Variants in DPYD observed in about 807,000 individuals in gnomAD.
DPYD encodes dihydropyrimidine dehydrogenase.
In DPYD, 109 loss-of-function variants were observed where a neutral mutation model predicts 116.2. That is an observed-to-expected ratio of 0.94 (90% CI 0.80 to 1.10). The LOEUF (loss-of-function observed/expected upper bound fraction) is 1.10, where lower values mean the gene tolerates loss of function less well. Among genes scored for constraint, DPYD ranks in the 50% least tolerant of loss-of-function variants. The pLI is 0.00. For missense variants in DPYD, 1,302 were observed against 1,254.5 expected, an observed-to-expected ratio of 1.04 and a Z score of -0.57; for synonymous variants, 440 against 432.0, an observed-to-expected ratio of 1.02 and a Z score of -0.23.
At chr1:97,612,580 T>C (rs1275023281) in intron 8 of DPYD, among the ~76,000 whole-genome samples, 1 of 152,020 alleles carries the variant, frequency 6.6e-6, no homozygotes, top group Non-Finnish European at 1.5e-5. Flanking sequence ...AATATGCACC[T>C]CACTGAAAAT....
At chr1:97,311,340 C>T (rs991201704) in intron 16 of DPYD, among the ~76,000 whole-genome samples, 1 of 151,686 alleles carries the variant, frequency 6.6e-6, no homozygotes, top group Non-Finnish European at 1.5e-5. Context: ...CTTTAACATA[C>T]TTCGTTCAAC....
chr1:97,230,348 C>G (rs1463994351), intron 19 of DPYD, among the ~76,000 whole-genome samples: 2 of 152,136 alleles, frequency 1.3e-5, no homozygotes, highest in East Asian at 3.9e-4. Context: ...CTGGAGGGAG[C>G]TGGAGGCCAT....
At chr1:97,896,036 A>T (rs1673046707) in intron 1 of DPYD, among the ~76,000 whole-genome samples, 1 of 151,728 alleles carries the variant, frequency 6.6e-6, no homozygotes, top group Non-Finnish European at 1.5e-5. Flanking sequence ...ATACTATTTG[A>T]CCTAATCTAG....
At chr1:97,698,227 C>T (rs1402812166) in intron 6 of DPYD, among the ~76,000 whole-genome samples, 1 of 151,548 alleles carries the variant, frequency 6.6e-6, no homozygotes, top group Non-Finnish European at 1.5e-5. Flanking sequence ...AAGGGTCTTC[C>T]TAAAATGTGA....
Position 97,826,101 on chromosome 1 carries a change from C to T in DPYD, c.233+2013G>A, listed in dbSNP as rs548778930. 1.7e-4 allele frequency among the ~76,000 whole-genome samples: 26 copies of T among 152,164 alleles called. No homozygotes were observed. In the South Asian group the frequency reaches 5.2e-3, roughly 30 times the overall value. ...ACATTTCATGCCATAAAATTAAATT[C>T]TCACTTAAATTATCCAGACTACTGC... On this transcript the variant is annotated intron_variant, in intron 3 of 22. Coordinates refer to ENST00000370192, the MANE Select transcript of DPYD (RefSeq NM_000110.4).
chr1:97,707,917 G>A (rs1442470655), intron 5 of DPYD, among the ~76,000 whole-genome samples: 4 of 152,040 alleles, frequency 2.6e-5, no homozygotes, highest in South Asian at 2.1e-4. Flanking sequence ...TATGAAGTAT[G>A]TCTTTTGCAA....
Position 97,826,990 on chromosome 1 carries a change from A to G in DPYD, c.233+1124T>C, listed in dbSNP as rs1042054146. The stretch of plus-strand genomic sequence containing the variant: ...TTGTGTAGAAGCTACTGTTTCCATT[A>G]AATTTAATTACCTCCCCCTGTGGTT... On this transcript the variant is annotated intron_variant, in intron 3 of 22. Coordinates refer to ENST00000370192, the MANE Select transcript of DPYD (RefSeq NM_000110.4). Among the ~76,000 whole-genome samples the G allele has an allele frequency of 2.0e-5, 3 of 152,102 alleles. No homozygotes were observed. In the East Asian group the frequency reaches 5.8e-4, roughly 29 times the overall value.
At position 97,498,930 on chromosome 1, in the gene DPYD, G is replaced by A. The variant is rs545309571; in HGVS notation, c.1740+16796C>T. On this transcript the variant is annotated intron_variant, in intron 13 of 22. Transcript: ENST00000370192. ...CATAAAGAAATATTTTTTCTTAAAA[G>A]TTATGATTTATAAAGAGTTCTTCTC... 1.9e-4 allele frequency among the ~76,000 whole-genome samples: 29 copies of A among 151,682 alleles called. No individual in the cohort carries two copies. The East Asian group carries it at 4.3e-3, about 22-fold the overall frequency.
chr1:97,525,897 T>TGTGTGTGTGTGTGCGCGCGCGC (rs1649040347), intron 12 of DPYD, among the ~76,000 whole-genome samples: 1 of 43,516 alleles, frequency 2.3e-5, no homozygotes. Flanking sequence ...CGCGCGCGCG[T>TGTGTGTGTGTGTGCGCGCGCGC]GTGTGTGTGT....
intron 3 of DPYD, among the ~76,000 whole-genome samples, chr1:97,787,645 G>T (rs1326961924): frequency 2.0e-5 from 3 of 149,940 alleles, no homozygotes; most frequent in Non-Finnish European, 3.0e-5. Context: ...TCATAAAAAA[G>T]AAAAAAAAAG....
At chr1:97,269,784 C>A (rs1369241985) in intron 18 of DPYD, among the ~76,000 whole-genome samples, 1 of 152,140 alleles carries the variant, frequency 6.6e-6, no homozygotes, top group Non-Finnish European at 1.5e-5. Context: ...ATTTAACTTT[C>A]AGCACCTCTT....
intron 13 of DPYD, among the ~76,000 whole-genome samples, chr1:97,509,156 A>G (rs1383759869): frequency 6.6e-6 from 1 of 152,038 alleles, no homozygotes; most frequent in Non-Finnish European, 1.5e-5. Context: ...CCTTGGCCAT[A>G]CTGCCAAACT....
chr1:97,580,171 G>T (rs1211525679), intron 10 of DPYD, among the ~76,000 whole-genome samples: 7 of 152,176 alleles, frequency 4.6e-5, no homozygotes, highest in Non-Finnish European at 1.0e-4. Context: ...CTCAAAACCA[G>T]CATATATTAA....
At chr1:97,454,729 A>G (rs1676592333) in intron 13 of DPYD, among the ~76,000 whole-genome samples, 1 of 152,012 alleles carries the variant, frequency 6.6e-6, no homozygotes, top group East Asian at 1.9e-4. Context: ...ATATTTGTTT[A>G]GGTTCATTTA....
At chr1:97,785,474 C>T (rs1459851611) in intron 3 of DPYD, among the ~76,000 whole-genome samples, 3 of 152,000 alleles carry the variant, frequency 2.0e-5, no homozygotes, top group African/African-American at 2.4e-5. Context: ...TACTTACACA[C>T]ATATTTGTGA....
intron 13 of DPYD, among the ~76,000 whole-genome samples, chr1:97,489,652 G>A (rs1355322877): frequency 6.6e-6 from 1 of 152,116 alleles, no homozygotes; most frequent in Non-Finnish European, 1.5e-5. Flanking sequence ...AGCCTTTGTT[G>A]AGTACTTACT....
At chr1:97,119,496 G>T (rs1652255291) in intron 20 of DPYD, among the ~76,000 whole-genome samples, 1 of 152,144 alleles carries the variant, frequency 6.6e-6, no homozygotes, top group Admixed American at 6.5e-5. Context: ...GGAGTGTCAG[G>T]CTACCACGTG....
chr1:97,528,847 T>C lies in DPYD; in HGVS notation c.1525-12906A>G, dbSNP rs190489640. On this transcript the variant is annotated intron_variant, in intron 12 of 22. Coordinates refer to ENST00000370192, the MANE Select transcript of DPYD (RefSeq NM_000110.4). ...TCCTACTCAAATCTGTTCTTTACTC[T>C]GTACCAGAGTAGGGTTTTTAAAACA... Among the ~76,000 whole-genome samples the C allele has an allele frequency of 5.8e-4, 89 of 152,318 alleles. 1 individual carries two copies. The highest frequency in any genetic ancestry group is 5.0e-3 in the Admixed American group (77 of 15,298).
At chr1:97,467,318 C>T (rs1461257074) in intron 13 of DPYD, among the ~76,000 whole-genome samples, 4 of 152,148 alleles carry the variant, frequency 2.6e-5, no homozygotes, top group African/African-American at 7.2e-5. Context: ...ATTCTTTTTG[C>T]TCACCACAAA....
Sources: allele counts gnomAD v4.1 joint callset (sites outside exome capture counted in the v4.1 genomes callset), GRCh38; gene constraint gnomAD v4.1.1; transcripts MANE v1.5; gene names NCBI Gene and HGNC (gene_info 2026-07-23, HGNC 2026-07-21).